Variants in FSTL5 observed in about 807,000 individuals in gnomAD.
FSTL5 encodes the protein follistatin-related protein 5.
FSTL5 carries 62 observed loss-of-function variants against 89.1 expected under a neutral mutation model. The observed-to-expected ratio is 0.70, with a 90% CI of 0.57 to 0.86. The LOEUF (loss-of-function observed/expected upper bound fraction) is 0.86. Among genes scored for constraint, FSTL5 ranks in the 40% least tolerant of loss-of-function variants. The pLI, the probability that FSTL5 is intolerant of heterozygous loss-of-function variation, is 0.00. For missense variants in FSTL5, 1,057 were observed against 1,001.6 expected (o/e 1.06, Z -0.75); for synonymous variants, 383 against 346.2 (o/e 1.11, Z -1.18).
intron 6 of FSTL5, among the ~76,000 whole-genome samples, chr4:161,686,315 TATATATATATATATATATATATATATA>T (rs1737716027): frequency 4.7e-4 from 2 of 4,242 alleles, no homozygotes; most frequent in East Asian, 9.3e-3. Context: ...CATATATATA[TATATATATATATATATATATATATATA>T]TATATTTTTT....
chr4:161,493,852 A>C (rs1729970124), intron 12 of FSTL5, among the ~76,000 whole-genome samples: 1 of 152,040 alleles, frequency 6.6e-6, no homozygotes, highest in South Asian at 2.1e-4. Context: ...TGTTATCGAT[A>C]ATCTCTTGAA....
At chr4:161,919,408 C>A (rs1159481252) in intron 4 of FSTL5, among the ~76,000 whole-genome samples, 2 of 151,970 alleles carry the variant, frequency 1.3e-5, no homozygotes, top group African/African-American at 4.8e-5. Flanking sequence ...TTTTAAATCA[C>A]GATGGAAATA....
intron 7 of FSTL5, among the ~76,000 whole-genome samples, chr4:161,634,195 T>C (rs1297539082): frequency 6.6e-6 from 1 of 152,216 alleles, no homozygotes. Context: ...CAAGTGGTGA[T>C]GTTTTCTTAG....
intron 2 of FSTL5, among the ~76,000 whole-genome samples, chr4:162,090,800 C>T (rs1031385308): frequency 2.6e-5 from 4 of 151,838 alleles, no homozygotes; most frequent in African/African-American, 7.3e-5. Flanking sequence ...ACCAGAGCAA[C>T]AGAGCCAGAA....
At chr4:161,796,194 C>A (rs2126824858) in intron 4 of FSTL5, among the ~76,000 whole-genome samples, 1 of 152,036 alleles carries the variant, frequency 6.6e-6, no homozygotes, top group East Asian at 1.9e-4. Context: ...CTATCTACTT[C>A]TACTAAAATG....
At chr4:161,729,095 C>T (rs1739515490) in intron 6 of FSTL5, among the ~76,000 whole-genome samples, 1 of 152,122 alleles carries the variant, frequency 6.6e-6, no homozygotes, top group Admixed American at 6.6e-5. Flanking sequence ...TACCTCTTGG[C>T]TCTCAACTCA....
chr4:161,621,970 C>T (rs185043406), intron 7 of FSTL5, among the ~76,000 whole-genome samples: 2 of 151,870 alleles, frequency 1.3e-5, no homozygotes, highest in East Asian at 1.9e-4. Flanking sequence ...GCACTCCAGC[C>T]TGGCAACAAG....
At chr4:162,021,280 G>A (rs1737074386) in intron 3 of FSTL5, among the ~76,000 whole-genome samples, 2 of 152,052 alleles carry the variant, frequency 1.3e-5, no homozygotes, top group African/African-American at 4.8e-5. Flanking sequence ...CATTGAAATA[G>A]GATTCATAGG....
intron 4 of FSTL5, among the ~76,000 whole-genome samples, chr4:161,889,065 C>G (rs116019479): frequency 6.6e-6 from 1 of 151,952 alleles, no homozygotes. Context: ...AGTTACTTTG[C>G]GTGTATAACT....
intron 2 of FSTL5, among the ~76,000 whole-genome samples, chr4:162,101,376 T>C (rs961532478): frequency 3.9e-5 from 6 of 152,210 alleles, no homozygotes; most frequent in Non-Finnish European, 8.8e-5. Context: ...ACTTAATAAA[T>C]ATTTGTTGAA....
intron 15 of FSTL5, among the ~76,000 whole-genome samples, chr4:161,401,220 C>T (rs1303495750): frequency 1.3e-5 from 2 of 152,144 alleles, no homozygotes; most frequent in Non-Finnish European, 2.9e-5. Flanking sequence ...TTCTTGAAAA[C>T]TTAATCTTAC....
At chr4:161,547,307 T>G (rs1203398769) in intron 8 of FSTL5, among the ~76,000 whole-genome samples, 2 of 152,082 alleles carry the variant, frequency 1.3e-5, no homozygotes, top group African/African-American at 4.8e-5. Context: ...ATTATTTGAT[T>G]ATTTCATTTC....
intron 3 of FSTL5, among the ~76,000 whole-genome samples, chr4:161,928,985 C>A (rs1413758986): frequency 6.6e-6 from 1 of 151,622 alleles, no homozygotes; most frequent in Non-Finnish European, 1.5e-5. Flanking sequence ...TCTTAGATGT[C>A]CTCCATAGAG....
chr4:161,589,172 G>C (rs1469763720), intron 7 of FSTL5, among the ~76,000 whole-genome samples: 1 of 150,932 alleles, frequency 6.6e-6, no homozygotes. Context: ...GTTTTTGTTT[G>C]TTTGTTTGTT....
chr4:161,969,764 A>AT (rs1735428975), intron 3 of FSTL5, among the ~76,000 whole-genome samples: 1 of 152,148 alleles, frequency 6.6e-6, no homozygotes, highest in African/African-American at 2.4e-5. Flanking sequence ...GTTAGGATGA[A>AT]TAAGAACCTT....
intron 5 of FSTL5, among the ~76,000 whole-genome samples, chr4:161,762,935 T>C (rs1443416116): frequency 6.6e-6 from 1 of 152,154 alleles, no homozygotes; most frequent in East Asian, 1.9e-4. Context: ...ACACACAGCA[T>C]GGAACAGGGA....
chr4:161,560,207 T>C (rs568231199), intron 8 of FSTL5, among the ~76,000 whole-genome samples: 115 of 151,946 alleles, frequency 7.6e-4, no homozygotes, highest in Non-Finnish European at 1.4e-3. Flanking sequence ...TATCTAAACA[T>C]ATAAAAGGTG....
At chr4:161,777,936 A>G (rs1378012239) in intron 4 of FSTL5, among the ~76,000 whole-genome samples, 1 of 152,168 alleles carries the variant, frequency 6.6e-6, no homozygotes, top group Non-Finnish European at 1.5e-5. Flanking sequence ...TCTACTAAAA[A>G]TAAAAAAATT....
intron 4 of FSTL5, among the ~76,000 whole-genome samples, chr4:161,782,974 T>C (rs1313414338): frequency 6.6e-6 from 1 of 152,186 alleles, no homozygotes; most frequent in Non-Finnish European, 1.5e-5. Context: ...TTGGATCATA[T>C]GTGCAACTTA....
Sources: allele counts gnomAD v4.1 joint callset (sites outside exome capture counted in the v4.1 genomes callset), GRCh38; gene constraint gnomAD v4.1.1; transcripts MANE v1.5; gene names NCBI Gene and HGNC (gene_info 2026-07-23, HGNC 2026-07-21).